Variants in DIMT1 observed in about 807,000 individuals in gnomAD.
DIMT1 encodes the protein dimethyladenosine transferase.
DIMT1 carries 36 observed loss-of-function variants against 43.2 expected under a neutral mutation model. The observed-to-expected ratio is 0.83, with a 90% CI of 0.64 to 1.10. The LOEUF is 1.10. Ranked by LOEUF, DIMT1 falls within the 50% of genes least tolerant of loss-of-function variation. The probability of loss-of-function intolerance (pLI) is 0.00; values close to 1 mark genes in which losing one functional copy is unlikely to be tolerated. For missense variants in DIMT1, 341 were observed against 385.3 expected (o/e 0.88, Z 0.96); for synonymous variants, 126 against 130.3 (o/e 0.97, Z 0.22).
chr5:62,393,618 A>G (rs1284350835), intron 8 of DIMT1, among the ~76,000 whole-genome samples: 1 of 152,238 alleles, frequency 6.6e-6, no homozygotes, highest in East Asian at 1.9e-4. Context: ...GTAAGGTTTT[A>G]TATCAAGTGG....
rs117810609 is a variant in DIMT1 at position 62,398,336 on chromosome 5, A to G, written c.446+175T>C. The G allele has an allele frequency of 2.6e-3, 1,661 of 635,494 alleles. 36 individuals are homozygous for G. In the East Asian group the frequency reaches 0.037, roughly 14 times the overall value. 39.4% of individuals were successfully genotyped at this position (635,494 alleles called of 1,614,324 possible). A position where few individuals can be genotyped will look rare whatever the true frequency, so the allele number is the denominator to read the frequency against. ...GTCTCAGAAGCAGGACTTCCAGCAC[A>G]CTACCCCCAAATAACCTCTCAATTA... On this transcript the variant is annotated intron_variant, in intron 6 of 11. Transcript: ENST00000199320.
chr5:62,394,181 C>G, intron 7 of DIMT1, 134 bp from the exon 8 acceptor site: 1 of 939,644 alleles, frequency 1.1e-6, no homozygotes, highest in East Asian at 2.6e-5. Context: ...TAATAAAAAT[C>G]ACTGGCTGGG....
rs1554044633 is a variant in DIMT1, at chr5:62,396,139, G to GTTTTTTTTTTGTTTT, written c.447-1533_447-1532insAAAACAAAAAAAAAA. Among the ~76,000 whole-genome samples the GTTTTTTTTTTGTTTT allele has an allele frequency of 4.3e-5, 5 of 116,746 alleles. 1 individual carries two copies. Among genetic ancestry groups the GTTTTTTTTTTGTTTT allele is most frequent in the African/African-American group, 1.8e-4 (5 of 27,716 alleles). The allele number at this position is 116,746 out of a possible 152,430, so 76.6% of individuals were successfully genotyped here. ...GGGGAATTTAGCCATGTCACTGCAG[G>GTTTTTTTTTTGTTTT]TTTTTTTTTTTTACATTATTAACTG... On this transcript the variant is annotated intron_variant, in intron 6 of 11. Transcript: ENST00000199320.
chr5:62,391,939 GTTA>G, intron 10 of DIMT1: 1 of 1,535,982 alleles, frequency 6.5e-7, no homozygotes. Context: ...ACTGTCAGTA[GTTA>G]GAGGACAGGG....
At chr5:62,392,306 T>C (rs1439211069) in intron 9 of DIMT1, 72 bp from the exon 10 acceptor site, 1 of 1,256,550 alleles carries the variant, frequency 8.0e-7, no homozygotes, top group African/African-American at 1.5e-5. Flanking sequence ...TTTAAACTTT[T>C]TTTTAACTAA....
intron 3 of DIMT1, among the ~76,000 whole-genome samples, chr5:62,400,291 A>G (rs1742654140): frequency 6.6e-6 from 1 of 152,176 alleles, no homozygotes; most frequent in South Asian, 2.1e-4. Flanking sequence ...TCTGTTGCCC[A>G]GGCTGGAGTG....
chr5:62,394,980 T>C (rs974890911), intron 6 of DIMT1, among the ~76,000 whole-genome samples: 1 of 152,018 alleles, frequency 6.6e-6, no homozygotes, highest in Admixed American at 6.6e-5. Context: ...AGAGGCAGAT[T>C]GTGACGTTCA....
At chr5:62,389,831 T>C (rs1174005827) in intron 11 of DIMT1, among the ~76,000 whole-genome samples, 1 of 152,298 alleles carries the variant, frequency 6.6e-6, no homozygotes, top group East Asian at 1.9e-4. Flanking sequence ...AAACTGCACA[T>C]GCCCAATAAC....
chr5:62,395,105 A>C (rs988084483), intron 6 of DIMT1, among the ~76,000 whole-genome samples: 1 of 151,596 alleles, frequency 6.6e-6, no homozygotes, highest in Non-Finnish European at 1.5e-5. Context: ...GCTCACTACA[A>C]CTTCCGTCTC....
In DIMT1 at chr5:62,403,843, C is replaced by T; in HGVS notation, c.-71G>A. On this transcript the variant is annotated 5_prime_UTR_variant, in exon 1 of 12. The change creates a new upstream start codon in the 5' untranslated region. Transcript: ENST00000199320. ...AAAGAGGGCTAGCGTGAGAAAGCCA[C>T]CACGTGGGGATCGCCGCCACGCGCC... 6.6e-7 allele frequency: 1 copy of T among 1,511,106 alleles called. No individual in the cohort carries two copies. The highest frequency in any genetic ancestry group is 9.0e-7 in the Non-Finnish European group (1 of 1,111,332). The allele number at this position is 1,511,106 out of a possible 1,614,324, so 93.6% of individuals were successfully genotyped here. A position where few individuals can be genotyped will look rare whatever the true frequency, so the allele number is the denominator to read the frequency against.
At chr5:62,391,831 T>A (rs1742314314) in intron 10 of DIMT1, 1 of 1,446,746 alleles carries the variant, frequency 6.9e-7, no homozygotes, top group African/African-American at 1.4e-5. Flanking sequence ...CAGAGGACAG[T>A]AAACTACACA....
In DIMT1 at chr5:62,387,908, TGGAAAC is replaced by T. The variant is rs1249016598; in HGVS notation, c.*1096_*1101del. 1.3e-5 allele frequency: 2 copies of T among 152,062 alleles called. No homozygotes were observed. The highest frequency in any genetic ancestry group is 2.9e-5 in the Non-Finnish European group (2 of 67,988). The allele number at this position is 152,062 out of a possible 1,614,324, so 9.4% of individuals were successfully genotyped here. A position where few individuals can be genotyped will look rare whatever the true frequency, so the allele number is the denominator to read the frequency against. On this transcript the variant is annotated 3_prime_UTR_variant, in exon 12 of 12. Coordinates refer to ENST00000199320, the MANE Select transcript of DIMT1 (RefSeq NM_014473.4). ...CAAAATCTGGCTTTGTTAAATTAAT[TGGAAAC>T]ACTCTTCTATTAAGTTAGGTATTAA...
intron 2 of DIMT1, among the ~76,000 whole-genome samples, chr5:62,403,028 A>T (rs1191514998): frequency 6.6e-6 from 1 of 152,244 alleles, no homozygotes; most frequent in Non-Finnish European, 1.5e-5. Context: ...ACAAATACAA[A>T]GGTCCAGCTA....
chr5:62,399,575 C>T (rs1196008102), intron 3 of DIMT1, among the ~76,000 whole-genome samples: 1 of 150,156 alleles, frequency 6.7e-6, no homozygotes, highest in Non-Finnish European at 1.5e-5. Flanking sequence ...ACCCTGGAGG[C>T]GGAGGTTGCC....
At chr5:62,391,520 T>A (rs1742305342) in intron 10 of DIMT1, among the ~76,000 whole-genome samples, 1 of 152,244 alleles carries the variant, frequency 6.6e-6, no homozygotes, top group Admixed American at 6.5e-5. Context: ...GATTATCTAA[T>A]GACTTTTTGC....
chr5:62,403,604 C>G, intron 1 of DIMT1, 90 bp downstream of exon 1: 2 of 1,451,674 alleles, frequency 1.4e-6, no homozygotes, highest in Non-Finnish European at 9.4e-7. Context: ...TGACCGGCCT[C>G]TGCCGATCAG....
intron 8 of DIMT1, 57 bp from the exon 9 acceptor site, chr5:62,393,047 C>T: frequency 7.9e-6 from 9 of 1,140,692 alleles, no homozygotes; most frequent in Admixed American, 1.8e-5. Flanking sequence ...CTTGTCTATG[C>T]CCACTAGGTA....
chr5:62,389,776 G>A (rs1479953508), intron 11 of DIMT1, among the ~76,000 whole-genome samples: 1 of 152,018 alleles, frequency 6.6e-6, no homozygotes, highest in Non-Finnish European at 1.5e-5. Flanking sequence ...AATACACATT[G>A]TTTCTCTCTG....
chr5:62,394,121 C>G (rs544818168), intron 7 of DIMT1, 74 bp from the exon 8 acceptor site: 764 of 1,309,588 alleles, frequency 5.8e-4, no homozygotes, highest in Non-Finnish European at 7.7e-4. Context: ...GCTATCCTCA[C>G]AGAAGGCACA....
Sources: allele counts gnomAD v4.1 joint callset (sites outside exome capture counted in the v4.1 genomes callset), GRCh38; gene constraint gnomAD v4.1.1; transcripts MANE v1.5; gene names NCBI Gene and HGNC (gene_info 2026-07-23, HGNC 2026-07-21).